BICD1: variants seen among roughly 807,000 people sequenced by gnomAD.
The protein encoded by BICD1 is protein bicaudal D homolog 1.
A neutral mutation model predicts 92.5 loss-of-function variants in BICD1; 35 were observed. The ratio of observed to expected loss-of-function variants is 0.38; its 90% confidence interval spans 0.29 to 0.50. The LOEUF (loss-of-function observed/expected upper bound fraction) is 0.50. BICD1 is among the 20% of genes least tolerant of loss of function. The probability of loss-of-function intolerance (pLI) is 0.93; values close to 1 mark genes in which losing one functional copy is unlikely to be tolerated. For missense variants in BICD1, 950 were observed against 1,189.8 expected, an observed-to-expected ratio of 0.80 and a Z score of 2.97; for synonymous variants, 429 against 465.1, an observed-to-expected ratio of 0.92 and a Z score of 1.00.
At chr12:32,282,202 C>T (rs78464729) in intron 2 of BICD1, among the ~76,000 whole-genome samples, 4,077 of 93,966 alleles carry the variant, frequency 0.043, 171 homozygotes, top group South Asian at 0.075. Context: ...AGGTCTTCTT[C>T]TTTTTTTTTT....
chr12:32,192,247 T>C (rs558388844), intron 1 of BICD1, among the ~76,000 whole-genome samples: 11 of 151,908 alleles, frequency 7.2e-5, no homozygotes, highest in African/African-American at 2.4e-4. Context: ...CTGGCTAACA[T>C]GGTGAAACCC....
chr12:32,289,925 G>C (rs1159450612), intron 2 of BICD1, among the ~76,000 whole-genome samples: 1 of 152,172 alleles, frequency 6.6e-6, no homozygotes, highest in Non-Finnish European at 1.5e-5. Flanking sequence ...CTTCTATGTT[G>C]ACACTTGTGA....
At chr12:32,352,484 CA>C (rs36089288) in intron 8 of BICD1, 57,175 of 137,458 alleles carry the variant, frequency 0.42, 12,004 homozygotes, top group Admixed American at 0.51. Context: ...GATGCCGTCT[CA>C]AAAAAAAAAA....
intron 2 of BICD1, among the ~76,000 whole-genome samples, chr12:32,278,232 C>A (rs1318963932): frequency 2.0e-5 from 3 of 152,222 alleles, no homozygotes; most frequent in South Asian, 2.1e-4. Context: ...ATAATGAATT[C>A]TTTTATTGTA....
chr12:32,201,619 A>G (rs1305810155), intron 1 of BICD1, among the ~76,000 whole-genome samples: 1 of 152,176 alleles, frequency 6.6e-6, no homozygotes, highest in East Asian at 1.9e-4. Flanking sequence ...ATAACTTATG[A>G]TGATTTAAGT....
chr12:32,151,938 GT>G (rs1366194452), intron 1 of BICD1, among the ~76,000 whole-genome samples: 2 of 151,940 alleles, frequency 1.3e-5, no homozygotes, highest in Non-Finnish European at 2.9e-5. Context: ...GCAGAGACTT[GT>G]TTTTTTGTTG....
At chr12:32,135,541 C>G (rs1942706959) in intron 1 of BICD1, among the ~76,000 whole-genome samples, 1 of 151,736 alleles carries the variant, frequency 6.6e-6, no homozygotes, top group African/African-American at 2.4e-5. Flanking sequence ...CCTGGGACTA[C>G]AGGTGTGCAT....
At chr12:32,369,496 A>C (rs920977150) in intron 9 of BICD1, among the ~76,000 whole-genome samples, 2 of 152,284 alleles carry the variant, frequency 1.3e-5, no homozygotes, top group Non-Finnish European at 1.5e-5. Flanking sequence ...CTGGGGTGCC[A>C]CAAGTGTGGA....
At chr12:32,159,512 C>T (rs1943538819) in intron 1 of BICD1, among the ~76,000 whole-genome samples, 1 of 152,172 alleles carries the variant, frequency 6.6e-6, no homozygotes, top group African/African-American at 2.4e-5. Context: ...GAACTGTGTC[C>T]TCTCAGTCCT....
chr12:32,176,022 T>C (rs77114919), intron 1 of BICD1, among the ~76,000 whole-genome samples: 17,512 of 152,312 alleles, frequency 0.11, 1,212 homozygotes, highest in Middle Eastern at 0.22. Flanking sequence ...CTTAGCATAA[T>C]GTTTTCAAGG....
intron 2 of BICD1, among the ~76,000 whole-genome samples, chr12:32,259,286 A>G (rs1301750273): frequency 1.3e-5 from 2 of 152,204 alleles, no homozygotes; most frequent in Non-Finnish European, 2.9e-5. Flanking sequence ...TGTTTTCTTT[A>G]TTACACTGAA....
intron 1 of BICD1, among the ~76,000 whole-genome samples, chr12:32,118,972 A>T (rs1942048242): frequency 2.6e-5 from 4 of 152,172 alleles, no homozygotes; most frequent in Admixed American, 1.3e-4. Flanking sequence ...ACATCCACAC[A>T]TATTTCAGTT....
intron 1 of BICD1, among the ~76,000 whole-genome samples, chr12:32,182,892 T>TTC (rs1944319232): frequency 6.9e-6 from 1 of 143,942 alleles, no homozygotes; most frequent in African/African-American, 2.6e-5. Context: ...CTTTCTTTCT[T>TTC]TTTTTTTTTT....
intron 2 of BICD1, among the ~76,000 whole-genome samples, chr12:32,225,126 C>G (rs1004403210): frequency 6.6e-6 from 1 of 152,222 alleles, no homozygotes; most frequent in Non-Finnish European, 1.5e-5. Context: ...CCACCTCAGC[C>G]TCTGATAACC....
At chr12:32,167,659 T>C (rs1943807540) in intron 1 of BICD1, among the ~76,000 whole-genome samples, 1 of 152,182 alleles carries the variant, frequency 6.6e-6, no homozygotes, top group Non-Finnish European at 1.5e-5. Flanking sequence ...CTTCACCATG[T>C]TGGTCAGGCT....
chr12:32,224,805 G>A (rs796088762), intron 2 of BICD1, among the ~76,000 whole-genome samples: 3 of 152,202 alleles, frequency 2.0e-5, no homozygotes, highest in African/African-American at 4.8e-5. Context: ...AGATTCAAGC[G>A]ATTCTCCTGC....
intron 9 of BICD1, chr12:32,367,984 G>GC (rs1939589143): frequency 4.3e-6 from 2 of 461,010 alleles, no homozygotes; most frequent in African/African-American, 1.9e-5. Context: ...GCTGCCTTCA[G>GC]CCCCTTTGTC....
chr12:32,217,723 G>A (rs1321546415), intron 2 of BICD1, among the ~76,000 whole-genome samples: 3 of 152,134 alleles, frequency 2.0e-5, no homozygotes, highest in Non-Finnish European at 4.4e-5. Flanking sequence ...CTACTCTCTG[G>A]TTCCTTCTTT....
chr12:32,253,038 G>A (rs866721272), intron 2 of BICD1, among the ~76,000 whole-genome samples: 24 of 151,744 alleles, frequency 1.6e-4, no homozygotes, highest in Admixed American at 1.5e-3. Context: ...GCACACCACC[G>A]CACCCAGGTA....
Sources: allele counts gnomAD v4.1 joint callset (sites outside exome capture counted in the v4.1 genomes callset), GRCh38; gene constraint gnomAD v4.1.1; transcripts MANE v1.5; gene names NCBI Gene and HGNC (gene_info 2026-07-23, HGNC 2026-07-21).